DYNC1I1: variants seen among roughly 807,000 people sequenced by gnomAD.
DYNC1I1 encodes dynein cytoplasmic 1 intermediate chain 1, also known as cytoplasmic dynein 1 intermediate chain 1.
A neutral mutation model predicts 86.6 loss-of-function variants in DYNC1I1; 43 were observed. The observed-to-expected ratio is 0.50, with a 90% CI of 0.39 to 0.64. DYNC1I1 has a LOEUF of 0.64. Among genes scored for constraint, DYNC1I1 ranks in the 30% least tolerant of loss-of-function variants. DYNC1I1 has a pLI of 0.00. For synonymous variants in DYNC1I1, 262 were observed against 283.7 expected (o/e 0.92, Z 0.77); for missense variants, 604 against 788.8 (o/e 0.77, Z 2.81).
At chr7:95,938,860 A>T (rs1443686354) in intron 6 of DYNC1I1, among the ~76,000 whole-genome samples, 1 of 152,118 alleles carries the variant, frequency 6.6e-6, no homozygotes, top group East Asian at 1.9e-4. Flanking sequence ...TTTATTTTTA[A>T]TAAATAAAAA....
At chr7:96,072,199 C>T (rs1039037382) in intron 14 of DYNC1I1, among the ~76,000 whole-genome samples, 3 of 152,170 alleles carry the variant, frequency 2.0e-5, no homozygotes, top group Admixed American at 6.5e-5. Context: ...ACCGGTAGCC[C>T]GCTTCTCTGC....
At chr7:96,037,559 A>G (rs1418678621) in intron 13 of DYNC1I1, among the ~76,000 whole-genome samples, 1 of 152,200 alleles carries the variant, frequency 6.6e-6, no homozygotes, top group Admixed American at 6.5e-5. Context: ...GCATAGGTTC[A>G]GTTAACTTAA....
At chr7:95,802,573 A>G (rs1325010726) in intron 1 of DYNC1I1, 4 of 152,164 alleles carry the variant, frequency 2.6e-5, no homozygotes, top group African/African-American at 9.7e-5. Context: ...ATCACCCATT[A>G]CACCAAATAG....
At chr7:96,088,303 A>G (rs1330872891) in intron 16 of DYNC1I1, among the ~76,000 whole-genome samples, 1 of 152,278 alleles carries the variant, frequency 6.6e-6, no homozygotes, top group East Asian at 1.9e-4. Flanking sequence ...TAAACAGCAA[A>G]TTAATGTGTG....
At chr7:95,899,725 A>G (rs1164805657) in intron 6 of DYNC1I1, among the ~76,000 whole-genome samples, 1 of 152,196 alleles carries the variant, frequency 6.6e-6, no homozygotes, top group Non-Finnish European at 1.5e-5. Flanking sequence ...CTTTCATTCA[A>G]TGTTTCTAGC....
chr7:95,940,811 T>C (rs1792190411), intron 6 of DYNC1I1, among the ~76,000 whole-genome samples: 1 of 152,242 alleles, frequency 6.6e-6, no homozygotes, highest in Non-Finnish European at 1.5e-5. Flanking sequence ...TCAAAGTCAT[T>C]CTCCGTCCAG....
intron 14 of DYNC1I1, among the ~76,000 whole-genome samples, chr7:96,061,732 ACACG>A (rs1356925025): frequency 6.7e-6 from 1 of 148,456 alleles, no homozygotes; most frequent in African/African-American, 2.5e-5. Flanking sequence ...ACACACACAC[ACACG>A]CACACAAACA....
At chr7:95,896,123 T>C (rs929854575) in intron 6 of DYNC1I1, among the ~76,000 whole-genome samples, 1 of 152,224 alleles carries the variant, frequency 6.6e-6, no homozygotes, top group Admixed American at 6.5e-5. Context: ...TGCTTGTTGA[T>C]GGCCACTTTC....
chr7:95,969,191 C>T (rs1474956018), intron 6 of DYNC1I1, among the ~76,000 whole-genome samples: 2 of 152,124 alleles, frequency 1.3e-5, no homozygotes, highest in Non-Finnish European at 2.9e-5. Flanking sequence ...CTATTCTCTT[C>T]AGTGGCTAAA....
intron 6 of DYNC1I1, among the ~76,000 whole-genome samples, chr7:95,889,743 TACA>T (rs990718279): frequency 1.2e-4 from 18 of 152,026 alleles, no homozygotes; most frequent in East Asian, 1.9e-4. Flanking sequence ...TTAACAAATT[TACA>T]ACAACAACAA....
At chr7:96,028,348 G>A (rs1794731764) in intron 11 of DYNC1I1, 27 bp downstream of exon 11, 1 of 1,575,604 alleles carries the variant, frequency 6.3e-7, no homozygotes, top group Non-Finnish European at 8.7e-7. Flanking sequence ...CCATATCCCT[G>A]TGAGCCGCCA....
intron 5 of DYNC1I1, among the ~76,000 whole-genome samples, chr7:95,839,165 G>C (rs1789206950): frequency 6.6e-6 from 1 of 151,626 alleles, no homozygotes; most frequent in South Asian, 2.1e-4. Context: ...CAAGTAGCTG[G>C]GACTATAGGC....
chr7:95,880,060 C>T (rs138098364), intron 6 of DYNC1I1, among the ~76,000 whole-genome samples: 2,016 of 152,268 alleles, frequency 0.013, 27 homozygotes, highest in Non-Finnish European at 0.021. Flanking sequence ...TTATAATTGT[C>T]AGCCTATTCC....
At chr7:95,956,340 C>T (rs1187972630) in intron 6 of DYNC1I1, among the ~76,000 whole-genome samples, 1 of 151,286 alleles carries the variant, frequency 6.6e-6, no homozygotes, top group Non-Finnish European at 1.5e-5. Flanking sequence ...TCTCCCTCGA[C>T]TTACACAACA....
intron 6 of DYNC1I1, among the ~76,000 whole-genome samples, chr7:95,928,484 T>G (rs570969394): frequency 6.6e-6 from 1 of 152,148 alleles, no homozygotes; most frequent in Non-Finnish European, 1.5e-5. Flanking sequence ...CAGACTGTAG[T>G]GGGCTTGGGA....
At chr7:96,009,163 G>T (rs1411710038) in intron 10 of DYNC1I1, among the ~76,000 whole-genome samples, 1 of 152,142 alleles carries the variant, frequency 6.6e-6, no homozygotes, top group Admixed American at 6.5e-5. Flanking sequence ...CACCTCATTT[G>T]CAACTTAGGC....
At chr7:96,052,746 C>T (rs1333628379) in intron 14 of DYNC1I1, among the ~76,000 whole-genome samples, 3 of 152,028 alleles carry the variant, frequency 2.0e-5, no homozygotes, top group Admixed American at 6.6e-5. Flanking sequence ...GGACAGCTCT[C>T]GGGACAAAAT....
At position 95,773,024 on chromosome 7, in the gene DYNC1I1, G is replaced by C. The variant is rs535772077; in HGVS notation, c.-10+251G>C. Among the ~76,000 whole-genome samples the C allele has an allele frequency of 4.7e-3, 721 of 152,316 alleles. 4 individuals are homozygous for C. The highest frequency in any genetic ancestry group is 0.017 in the African/African-American group (693 of 41,580). On this transcript the variant is annotated intron_variant, in intron 1 of 16. Transcript: ENST00000447467. ...AGACTAGGGCAGAGAAGGAAGGGTC[G>C]TGGTGTCACCACCTGGTCGCCCACC...
At chr7:95,892,477 A>T (rs1345103788) in intron 6 of DYNC1I1, among the ~76,000 whole-genome samples, 1 of 152,016 alleles carries the variant, frequency 6.6e-6, no homozygotes, top group African/African-American at 2.4e-5. Flanking sequence ...CGCCCAGCTA[A>T]TTTTTTTGTA....
Sources: allele counts gnomAD v4.1 joint callset (sites outside exome capture counted in the v4.1 genomes callset), GRCh38; gene constraint gnomAD v4.1.1; transcripts MANE v1.5; gene names NCBI Gene and HGNC (gene_info 2026-07-23, HGNC 2026-07-21).